INTS9: variants seen among roughly 807,000 people sequenced by gnomAD.
INTS9 encodes the protein integrator complex subunit 9.
INTS9 carries 55 observed loss-of-function variants against 79.7 expected under a neutral mutation model. The ratio of observed to expected loss-of-function variants is 0.69; its 90% CI spans 0.56 to 0.86. INTS9 has a LOEUF of 0.86. INTS9 is among the 40% of genes least tolerant of loss of function. INTS9 has a pLI of 0.00. For synonymous variants in INTS9, 319 were observed against 325.2 expected (o/e 0.98, Z 0.20); for missense variants, 721 against 831.5 (o/e 0.87, Z 1.64).
At chr8:28,887,083 G>A (rs1198184095) in intron 1 of INTS9, among the ~76,000 whole-genome samples, 5 of 152,162 alleles carry the variant, frequency 3.3e-5, no homozygotes, top group Non-Finnish European at 7.4e-5. Context: ...GCTACAAATA[G>A]GAAGTATGCC....
chr8:28,858,543 C>T (rs1214010730), intron 2 of INTS9, among the ~76,000 whole-genome samples: 3 of 152,164 alleles, frequency 2.0e-5, no homozygotes, highest in Non-Finnish European at 2.9e-5. Context: ...AACTGAATTC[C>T]ATCTGCTTTG....
intron 10 of INTS9, among the ~76,000 whole-genome samples, chr8:28,792,284 CTA>C (rs1270235005): frequency 1.3e-5 from 2 of 151,946 alleles, no homozygotes; most frequent in African/African-American, 2.4e-5. Context: ...TCTCTTCATA[CTA>C]TATACTAAAA....
chr8:28,844,077 G>A (rs73239169), intron 4 of INTS9, among the ~76,000 whole-genome samples: 16,736 of 152,144 alleles, frequency 0.11, 1,174 homozygotes, highest in Middle Eastern at 0.18. Flanking sequence ...TGTTTTAAGC[G>A]GATACTTGAG....
chr8:28,873,050 T>C (rs184835410), intron 1 of INTS9, among the ~76,000 whole-genome samples: 2 of 152,304 alleles, frequency 1.3e-5, no homozygotes, highest in Admixed American at 1.3e-4. Context: ...TAATACGTAT[T>C]GATTCTGTAA....
chr8:28,862,520 T>C lies in INTS9; in HGVS notation c.10-2957A>G, dbSNP rs79059011. On this transcript the variant is annotated intron_variant, in intron 1 of 16. Transcript: ENST00000521022. ...AGCATGGCTGTGGTGATCACTTTAG[T>C]GCGTAAGTCTTTTTCCATACTGGAC... is the stretch of plus-strand genomic sequence containing the variant. 3.9e-3 allele frequency among the ~76,000 whole-genome samples: 590 copies of C among 152,332 alleles called. 3 individuals carry two copies. The highest frequency in any genetic ancestry group is 0.013 in the African/African-American group (559 of 41,576).
At chr8:28,870,349 C>CTTTTTT (rs10580665) in intron 1 of INTS9, among the ~76,000 whole-genome samples, 6 of 80,574 alleles carry the variant, frequency 7.4e-5, no homozygotes, top group Admixed American at 2.0e-4. Context: ...CAGAAAAAAG[C>CTTTTTT]TTTTTTTTTT....
At chr8:28,785,098 G>A (rs1325930411) in intron 11 of INTS9, among the ~76,000 whole-genome samples, 1 of 152,198 alleles carries the variant, frequency 6.6e-6, no homozygotes, top group Non-Finnish European at 1.5e-5. Flanking sequence ...TTTAGCAGCA[G>A]GATCACAGAA....
chr8:28,822,249 T>TC, intron 6 of INTS9, among the ~76,000 whole-genome samples: 1 of 152,022 alleles, frequency 6.6e-6, no homozygotes, highest in Non-Finnish European at 1.5e-5. Flanking sequence ...TCTAAGAGGT[T>TC]CAGCATCTAA....
intron 14 of INTS9, among the ~76,000 whole-genome samples, chr8:28,772,794 G>A (rs145617996): frequency 0.023 from 3,512 of 149,558 alleles, 98 homozygotes; most frequent in African/African-American, 0.07. Flanking sequence ...GCAACACAGC[G>A]AGACTCCGTC....
chr8:28,771,894 T>G (rs1197752373), intron 14 of INTS9, among the ~76,000 whole-genome samples: 2 of 151,912 alleles, frequency 1.3e-5, no homozygotes, highest in African/African-American at 4.8e-5. Context: ...GGGGCCTCAC[T>G]CTGCTGCCCA....
intron 6 of INTS9, among the ~76,000 whole-genome samples, chr8:28,834,858 A>C (rs1481119150): frequency 6.6e-6 from 1 of 152,014 alleles, no homozygotes; most frequent in Non-Finnish European, 1.5e-5. Flanking sequence ...TGCATTTTTC[A>C]TAGAGACGGG....
intron 5 of INTS9, among the ~76,000 whole-genome samples, chr8:28,837,134 A>G (rs1337159926): frequency 6.6e-6 from 1 of 152,170 alleles, no homozygotes; most frequent in Non-Finnish European, 1.5e-5. Flanking sequence ...TTACTCCTAG[A>G]CTGCTCAGTT....
intron 1 of INTS9, among the ~76,000 whole-genome samples, chr8:28,876,545 A>G (rs922007906): frequency 2.0e-5 from 3 of 152,204 alleles, no homozygotes; most frequent in Non-Finnish European, 4.4e-5. Context: ...TTTCAAGCCA[A>G]AAGTCAGTAT....
rs750494854 is a variant in INTS9, at chr8:28,777,836, T to A, written c.1388A>T (p.Glu463Val). The A allele has an allele frequency of 6.2e-7, 1 of 1,606,502 alleles. No individual in the cohort carries two copies. The highest frequency in any genetic ancestry group is 8.5e-7 in the Non-Finnish European group (1 of 1,176,824). ...AGCAGTGTCCTTCATTACCTGCACT[T>A]CTTTAAGCAGCTTTGACACCTGGAT... The part of the protein sequence containing the change: ...NFIQVSKLLK[E>V]VQPLHVVCPE... Residue 463 changes from glutamate (E) to valine (V), a missense_variant, in exon 13 of 17, where the codon GAA (glutamate) becomes GTA (valine). Glu to Val is a moderately radical substitution (Grantham distance 121). Coordinates refer to ENST00000521022, the MANE Select transcript of INTS9 (RefSeq NM_018250.4).
chr8:28,831,573 C>T (rs1806489920), intron 6 of INTS9, among the ~76,000 whole-genome samples: 1 of 152,200 alleles, frequency 6.6e-6, no homozygotes, highest in South Asian at 2.1e-4. Context: ...GTAGGTGGCA[C>T]TTCTTTTGTG....
chr8:28,887,195 G>A (rs1810214893), intron 1 of INTS9, among the ~76,000 whole-genome samples: 1 of 152,196 alleles, frequency 6.6e-6, no homozygotes, highest in Admixed American at 6.5e-5. Context: ...GCAAAAAAGA[G>A]TGAGGCAGGC....
At chr8:28,790,020 C>G (rs1333668971) in intron 10 of INTS9, among the ~76,000 whole-genome samples, 1 of 152,230 alleles carries the variant, frequency 6.6e-6, no homozygotes, top group African/African-American at 2.4e-5. Context: ...AGCCCCTTAG[C>G]TCGGAGCAAG....
At chr8:28,860,454 C>T (rs1161922169) in intron 1 of INTS9, among the ~76,000 whole-genome samples, 2 of 151,914 alleles carry the variant, frequency 1.3e-5, no homozygotes, top group Non-Finnish European at 2.9e-5. Context: ...GTGCTGAATC[C>T]ACTAGCAAGT....
intron 5 of INTS9, among the ~76,000 whole-genome samples, chr8:28,837,104 G>C (rs1418216243): frequency 6.6e-6 from 1 of 152,142 alleles, no homozygotes; most frequent in Non-Finnish European, 1.5e-5. Flanking sequence ...GCTTCTTAGA[G>C]TCAAAGGAAA....
Sources: allele counts gnomAD v4.1 joint callset (sites outside exome capture counted in the v4.1 genomes callset), GRCh38; gene constraint gnomAD v4.1.1; transcripts MANE v1.5; gene names NCBI Gene and HGNC (gene_info 2026-07-23, HGNC 2026-07-21).